The following DAB1 variants were observed in gnomAD, a reference collection of about 807,000 sequenced individuals.
The protein encoded by DAB1 is disabled homolog 1.
Under a neutral mutation model 64.6 loss-of-function variants are expected in DAB1, and 15 were observed. The ratio of observed to expected loss-of-function variants is 0.23; its 90% confidence interval spans 0.16 to 0.36. The LOEUF (loss-of-function observed/expected upper bound fraction) is 0.36. DAB1 is among the 10% of genes least tolerant of loss of function. The pLI, the probability that DAB1 is intolerant of heterozygous loss-of-function variation, is 1.00. For synonymous variants in DAB1, 235 were observed against 251.9 expected (o/e 0.93, Z 0.64); for missense variants, 596 against 706.7 (o/e 0.84, Z 1.78).
intron 5 of DAB1, among the ~76,000 whole-genome samples, chr1:58,120,170 T>A (rs1162894435): frequency 6.6e-6 from 1 of 152,228 alleles, no homozygotes; most frequent in East Asian, 1.9e-4. Context: ...GGTAAATAAC[T>A]TAGACTCTCT....
chr1:58,217,021 A>G (rs1302878147), intron 4 of DAB1, among the ~76,000 whole-genome samples: 1 of 152,226 alleles, frequency 6.6e-6, no homozygotes, highest in East Asian at 1.9e-4. Context: ...TTGGGATTCA[A>G]TTCTGGATGA....
chr1:57,288,849 A>C (rs1481903623), intron 2 of DAB1, among the ~76,000 whole-genome samples: 1 of 152,228 alleles, frequency 6.6e-6, no homozygotes, highest in Non-Finnish European at 1.5e-5. Context: ...TTTGTTAAGC[A>C]TTTAATACAT....
intron 14 of DAB1, among the ~76,000 whole-genome samples, chr1:57,001,517 A>G (rs568388292): frequency 1.5e-3 from 230 of 152,186 alleles, no homozygotes; most frequent in South Asian, 3.3e-3. Context: ...ATCTTTCTTT[A>G]TGTCTTTCCA....
chr1:58,296,187 GAAAGAA>G (rs1204712663), intron 4 of DAB1, among the ~76,000 whole-genome samples: 1 of 116,226 alleles, frequency 8.6e-6, no homozygotes, highest in African/African-American at 3.4e-5. Flanking sequence ...GAAAGAAAGA[GAAAGAA>G]AGAGAAAGAA....
chr1:57,885,707 T>C (rs965156460), upstream of DAB1, among the ~76,000 whole-genome samples: 2 of 152,174 alleles, frequency 1.3e-5, no homozygotes, highest in Admixed American at 6.5e-5. Flanking sequence ...AGCTGCAAAA[T>C]TGAAAGTATG....
chr1:58,297,434 C>T (rs1228166633), intron 4 of DAB1, among the ~76,000 whole-genome samples: 1 of 152,128 alleles, frequency 6.6e-6, no homozygotes, highest in East Asian at 1.9e-4. Context: ...TTGAAGGCAA[C>T]GACTAGGTCT....
intron 5 of DAB1, among the ~76,000 whole-genome samples, chr1:58,000,564 C>CTTTTTTTTT (rs869176789): frequency 3.6e-4 from 34 of 95,734 alleles, no homozygotes; most frequent in East Asian, 6.3e-4. Flanking sequence ...TCTTTTTTGC[C>CTTTTTTTTT]TTTTTTTTTT....
intron 9 of DAB1, among the ~76,000 whole-genome samples, chr1:57,044,703 A>G (rs1648241624): frequency 6.6e-6 from 1 of 152,238 alleles, no homozygotes; most frequent in South Asian, 2.1e-4. Context: ...AAAGTAGCCC[A>G]TATCTCCTTA....
At chr1:57,420,182 A>G (rs1157273762) in intron 1 of DAB1, among the ~76,000 whole-genome samples, 1 of 152,188 alleles carries the variant, frequency 6.6e-6, no homozygotes, top group Non-Finnish European at 1.5e-5. Flanking sequence ...GGAAATATGT[A>G]GCTTGCTCCT....
intron 4 of DAB1, among the ~76,000 whole-genome samples, chr1:57,133,970 G>A (rs994455023): frequency 1.3e-5 from 2 of 152,138 alleles, no homozygotes; most frequent in Non-Finnish European, 2.9e-5. Context: ...CAAATAAAAA[G>A]CATCAATAGA....
At chr1:58,091,740 TA>T (rs915493299) in intron 5 of DAB1, among the ~76,000 whole-genome samples, 1 of 152,170 alleles carries the variant, frequency 6.6e-6, no homozygotes, top group Non-Finnish European at 1.5e-5. Flanking sequence ...ACCATTCTGC[TA>T]AAACCAGTAT....
chr1:58,462,837 T>G (rs1645257027), intron 3 of DAB1: 1 of 152,232 alleles, frequency 6.6e-6, no homozygotes, highest in Non-Finnish European at 1.5e-5. Flanking sequence ...TGAGTGTTAT[T>G]GTACGGATTG....
At chr1:57,053,666 G>GTGTATATATATATA (rs1553134281) in intron 9 of DAB1, among the ~76,000 whole-genome samples, 10 of 99,166 alleles carry the variant, frequency 1.0e-4, no homozygotes, top group African/African-American at 3.9e-4. Context: ...CTCTCTATAT[G>GTGTATATATATATA]TATATATATA....
intron 9 of DAB1, among the ~76,000 whole-genome samples, chr1:57,028,867 T>C (rs1174111290): frequency 3.9e-5 from 6 of 152,180 alleles, no homozygotes; most frequent in Non-Finnish European, 8.8e-5. Flanking sequence ...CATTCAGTTT[T>C]CTAAGGGAAG....
At chr1:58,276,250 T>C (rs1661440241) in intron 4 of DAB1, among the ~76,000 whole-genome samples, 1 of 152,230 alleles carries the variant, frequency 6.6e-6, no homozygotes, top group Admixed American at 6.5e-5. Flanking sequence ...AATGTGAATA[T>C]ACATAACACT....
At chr1:57,586,380 G>A (rs1645380824) in intron 7 of DAB1, among the ~76,000 whole-genome samples, 1 of 152,086 alleles carries the variant, frequency 6.6e-6, no homozygotes, top group African/African-American at 2.4e-5. Flanking sequence ...TTGTTTATTG[G>A]TCTGTCTCCT....
chr1:57,855,073 A>G (rs1653692481), intron 1 of DAB1, among the ~76,000 whole-genome samples: 1 of 152,106 alleles, frequency 6.6e-6, no homozygotes, highest in Admixed American at 6.6e-5. Flanking sequence ...TGAGCTTGAG[A>G]AAAGGGACAG....
upstream of DAB1, among the ~76,000 whole-genome samples, chr1:57,888,666 CT>C (rs1224560700): frequency 6.6e-6 from 1 of 152,160 alleles, no homozygotes; most frequent in East Asian, 1.9e-4. Context: ...AAAGCTTATT[CT>C]TTCCCCCTTT....
chr1:58,361,657 T>C (rs1644168438), intron 3 of DAB1, among the ~76,000 whole-genome samples: 1 of 152,128 alleles, frequency 6.6e-6, no homozygotes, highest in Admixed American at 6.5e-5. Flanking sequence ...GTTAACAATG[T>C]GAGGTGTAAG....
Sources: gnomAD v4.1 joint callset for allele counts (sites outside exome capture counted in the v4.1 genomes callset) on GRCh38, gnomAD v4.1.1 for gene constraint, MANE v1.5 for transcripts, NCBI Gene and HGNC (gene_info 2026-07-23, HGNC 2026-07-21) for gene names.